The following CIMAP1D variants were observed in gnomAD, a reference collection of about 807,000 sequenced individuals.
The protein encoded by CIMAP1D is protein CIMAP1D.
chr19:464,012 C>T, the CIMAP1D span: 6 of 1,608,238 alleles, frequency 3.7e-6, no homozygotes, highest in Non-Finnish European at 4.2e-6. Context: ...GGGTCTCCTC[C>T]AGGGGTCGCG....
the CIMAP1D span, among the ~76,000 whole-genome samples, chr19:469,219 G>GT: frequency 1.5e-5 from 2 of 130,736 alleles, no homozygotes; most frequent in African/African-American, 7.2e-5. Context: ...AGGCTGGGGA[G>GT]ATTCTTTTTT....
chr19:472,429 C>G, the CIMAP1D span: 1 of 1,546,122 alleles, frequency 6.5e-7, no homozygotes, highest in Non-Finnish European at 8.7e-7. Context: ...GTAGGCGGGA[C>G]TGGCCACCCT....
chr19:475,986 A>ATTTTT, the CIMAP1D span, among the ~76,000 whole-genome samples: 498 of 39,270 alleles, frequency 0.013, 130 homozygotes, highest in Non-Finnish European at 0.014. Flanking sequence ...CGCCTGGCTA[A>ATTTTT]TTTTTTTTTT....
chr19:480,038 C>T, the CIMAP1D span, among the ~76,000 whole-genome samples: 5 of 152,174 alleles, frequency 3.3e-5, no homozygotes, highest in African/African-American at 1.2e-4. Flanking sequence ...GTGGTGTGAG[C>T]GTCTGCGATG....
the CIMAP1D span, among the ~76,000 whole-genome samples, chr19:483,576 C>T: frequency 6.6e-6 from 1 of 152,212 alleles, no homozygotes; most frequent in African/African-American, 2.4e-5. Flanking sequence ...GGGCAGTGTC[C>T]AAGGACACCT....
At chr19:473,792 T>C in the CIMAP1D span, among the ~76,000 whole-genome samples, 1 of 85,462 alleles carries the variant, frequency 1.2e-5, no homozygotes, top group Admixed American at 1.6e-4. Context: ...GACTGAGGCC[T>C]GAGCCTCCCA....
the CIMAP1D span, chr19:463,585 C>CTGGCT: frequency 3.3e-5 from 17 of 522,000 alleles, no homozygotes; most frequent in Middle Eastern, 4.9e-4. Context: ...CTTTCCCCAC[C>CTGGCT]TGGCCTGGCC....
At chr19:487,129 C>T in the CIMAP1D span, among the ~76,000 whole-genome samples, 1 of 152,248 alleles carries the variant, frequency 6.6e-6, no homozygotes, top group Non-Finnish European at 1.5e-5. Flanking sequence ...TTCCTTCTTC[C>T]CAGCAGCACT....
chr19:465,344 T>C, the CIMAP1D span, among the ~76,000 whole-genome samples: 1 of 146,408 alleles, frequency 6.8e-6, no homozygotes, highest in Admixed American at 6.8e-5. Flanking sequence ...AGTGAGTGGA[T>C]GGATGAATGG....
At chr19:468,621 C>G in the CIMAP1D span, among the ~76,000 whole-genome samples, 128,935 of 152,064 alleles carry the variant, frequency 0.85, 54,927 homozygotes, top group East Asian at 0.99. Context: ...CTTGCACTTC[C>G]CGATTGAGAC....
chr19:472,632 A>T, the CIMAP1D span: 1 of 559,650 alleles, frequency 1.8e-6, no homozygotes, highest in South Asian at 2.5e-5. Flanking sequence ...CCCGGGGAGC[A>T]AGAGGCTGCT....
chr19:478,470 T>C, the CIMAP1D span, among the ~76,000 whole-genome samples: 1 of 152,238 alleles, frequency 6.6e-6, no homozygotes, highest in Non-Finnish European at 1.5e-5. Flanking sequence ...AGCATGTTGC[T>C]GGGAGGACGC....
At chr19:489,449 C>A in the CIMAP1D span, 2 of 152,858 alleles carry the variant, frequency 1.3e-5, no homozygotes, top group Non-Finnish European at 2.9e-5. Context: ...AGCCCATGGC[C>A]CATCGGCCCG....
At chr19:485,160 T>C in the CIMAP1D span, among the ~76,000 whole-genome samples, 1 of 152,098 alleles carries the variant, frequency 6.6e-6, no homozygotes, top group Admixed American at 6.5e-5. Flanking sequence ...ACCTGCTTAG[T>C]TGTTTATGGA....
chr19:479,797 A>C, the CIMAP1D span, among the ~76,000 whole-genome samples: 1 of 152,176 alleles, frequency 6.6e-6, no homozygotes, highest in Non-Finnish European at 1.5e-5. Flanking sequence ...CGGCCTCCCA[A>C]AGTGCTGGGA....
At chr19:470,612 G>C in the CIMAP1D span, among the ~76,000 whole-genome samples, 1 of 152,118 alleles carries the variant, frequency 6.6e-6, no homozygotes. Flanking sequence ...GTGTGGGCTG[G>C]GATTTTTGCT....
At chr19:464,611 G>T in the CIMAP1D span, among the ~76,000 whole-genome samples, 1 of 152,100 alleles carries the variant, frequency 6.6e-6, no homozygotes, top group Admixed American at 6.5e-5. Context: ...GCCTTCCCCA[G>T]CCCATCCAGG....
the CIMAP1D span, among the ~76,000 whole-genome samples, chr19:478,232 C>A: frequency 6.6e-6 from 1 of 152,228 alleles, no homozygotes; most frequent in Non-Finnish European, 1.5e-5. Context: ...GCTCCCACGG[C>A]TAAAGAGACA....
the CIMAP1D span, chr19:463,787 C>A: frequency 6.6e-7 from 1 of 1,518,462 alleles, no homozygotes; most frequent in Non-Finnish European, 8.7e-7. Context: ...CAGCCAAAGC[C>A]AGGCCCCAGG....
Sources: allele counts gnomAD v4.1 joint callset (sites outside exome capture counted in the v4.1 genomes callset), GRCh38; gene constraint gnomAD v4.1.1; transcripts MANE v1.5; gene names NCBI Gene and HGNC (gene_info 2026-07-23, HGNC 2026-07-21).